TAB2: variants seen among roughly 807,000 people sequenced by gnomAD.
The protein encoded by TAB2 is TGF-beta-activated kinase 1 and MAP3K7-binding protein 2.
A neutral mutation model predicts 65.0 loss-of-function variants in TAB2; 3 were observed. The observed-to-expected ratio is 0.05, with a 90% CI of 0.02 to 0.12. TAB2 has a LOEUF of 0.12. Among genes scored for constraint, TAB2 ranks in the 10% least tolerant of loss-of-function variants. The probability of loss-of-function intolerance (pLI) is 1.00; values close to 1 mark genes in which losing one functional copy is unlikely to be tolerated. For missense variants in TAB2, 623 were observed against 840.3 expected (o/e 0.74, Z 3.20); for synonymous variants, 298 against 285.1 (o/e 1.05, Z -0.46).
At position 149,369,949 on chromosome 6, in the gene TAB2, G is replaced by A. The variant is rs771879657; in HGVS notation, c.-49G>A. ...AAGAGATGAGTACTATTTCCACTAA[G>A]GCCTAGAATTGCCTACTGTACAAAT... On this transcript the variant is annotated 5_prime_UTR_variant, in exon 2 of 7. Transcript: ENST00000637181. 7 of 1,493,602 alleles carry A rather than the reference G, an allele frequency of 4.7e-6. No individual in the cohort carries two copies. Among genetic ancestry groups the A allele is most frequent in the Non-Finnish European group, 5.6e-6 (6 of 1,070,458 alleles). The allele number at this position is 1,493,602 out of a possible 1,614,324, so 92.5% of individuals were successfully genotyped here. A position where few individuals can be genotyped will look rare whatever the true frequency, so the allele number is the denominator to read the frequency against.
intron 1 of TAB2, among the ~76,000 whole-genome samples, chr6:149,351,663 C>T (rs1033741244): frequency 9.2e-5 from 14 of 152,116 alleles, no homozygotes; most frequent in African/African-American, 3.4e-4. Flanking sequence ...GAAACTGAGG[C>T]ACAGAAAAAT....
chr6:149,365,867 A>G (rs1781023008), intron 1 of TAB2, among the ~76,000 whole-genome samples: 1 of 151,970 alleles, frequency 6.6e-6, no homozygotes, highest in East Asian at 1.9e-4. Context: ...CTTCAAGTTC[A>G]CTGACTGTCA....
chr6:149,353,452 T>A (rs1780555493), intron 1 of TAB2, among the ~76,000 whole-genome samples: 1 of 152,212 alleles, frequency 6.6e-6, no homozygotes. Flanking sequence ...GTTACCAGTT[T>A]CTTCCCCAAG....
At chr6:149,258,576 G>A (rs1778089460) in intron 1 of TAB2, among the ~76,000 whole-genome samples, 1 of 152,194 alleles carries the variant, frequency 6.6e-6, no homozygotes, top group South Asian at 2.1e-4. Context: ...CATTTGCTCA[G>A]AAGCATCCAT....
At chr6:149,364,773 GT>G (rs1481560243) in intron 1 of TAB2, among the ~76,000 whole-genome samples, 2 of 149,884 alleles carry the variant, frequency 1.3e-5, no homozygotes, top group South Asian at 2.1e-4. Context: ...GTTTCTGTTT[GT>G]TTTTTTAATC....
chr6:149,322,924 A>G lies in TAB2; in HGVS notation c.-90+4909A>G, dbSNP rs73611045. On this transcript the variant is annotated intron_variant, in intron 1 of 6. Transcript: ENST00000637181. ...ATGGGATTTTTGAGGGAAGAGTGGA[A>G]TAACCATGCAAGTTGCAATACTTAT... Among the ~76,000 whole-genome samples the G allele has an allele frequency of 5.0e-3, 764 of 152,282 alleles. 6 individuals are homozygous for G. Among genetic ancestry groups the G allele is most frequent in the African/African-American group, 0.018 (743 of 41,584 alleles).
chr6:149,242,437 ATT>A (rs762269469), intron 1 of TAB2, among the ~76,000 whole-genome samples: 4 of 152,144 alleles, frequency 2.6e-5, no homozygotes, highest in African/African-American at 7.2e-5. Context: ...TTTCCTGTGA[ATT>A]GTTAGTAGGT....
At chr6:149,347,255 C>A (rs1279867248) in intron 1 of TAB2, 1 of 152,196 alleles carries the variant, frequency 6.6e-6, no homozygotes, top group Non-Finnish European at 1.5e-5. Flanking sequence ...GAACTTATAA[C>A]TGGTAAGCCT....
chr6:149,320,798 C>A (rs1779429286), intron 1 of TAB2, among the ~76,000 whole-genome samples: 1 of 152,030 alleles, frequency 6.6e-6, no homozygotes, highest in Admixed American at 6.6e-5. Flanking sequence ...ATATAAAGTT[C>A]ATAAATTAAA....
intron 1 of TAB2, among the ~76,000 whole-genome samples, chr6:149,338,752 G>A (rs890420725): frequency 1.3e-5 from 2 of 152,132 alleles, no homozygotes; most frequent in African/African-American, 4.8e-5. Flanking sequence ...AGAAATTATC[G>A]ATTGGAAAGG....
At chr6:149,320,051 A>G (rs866700992) in intron 1 of TAB2, among the ~76,000 whole-genome samples, 5 of 152,150 alleles carry the variant, frequency 3.3e-5, no homozygotes, top group African/African-American at 9.7e-5. Flanking sequence ...AGACTGGGAA[A>G]CAATTTTTTT....
At chr6:149,375,601 T>C (rs1004595277) in intron 2 of TAB2, among the ~76,000 whole-genome samples, 2 of 152,056 alleles carry the variant, frequency 1.3e-5, no homozygotes, top group Non-Finnish European at 2.9e-5. Context: ...AAATTTTAAA[T>C]TGAGAATGAT....
intron 1 of TAB2, among the ~76,000 whole-genome samples, chr6:149,263,351 C>T (rs912814685): frequency 6.6e-6 from 1 of 152,124 alleles, no homozygotes; most frequent in African/African-American, 2.4e-5. Context: ...TATATCGAAA[C>T]AATTTTTTTT....
chr6:149,393,975 T>C (rs913055347), intron 3 of TAB2, among the ~76,000 whole-genome samples: 4 of 152,180 alleles, frequency 2.6e-5, no homozygotes, highest in African/African-American at 9.7e-5. Flanking sequence ...ATGGGCTTCT[T>C]AGATCTGTGA....
At position 149,368,308 on chromosome 6, in the gene TAB2, G is replaced by A. The variant is rs1228819455; in HGVS notation, c.-89-1601G>A. On this transcript the variant is annotated intron_variant, in intron 1 of 6. Transcript: ENST00000637181. ...GTTGAGGACTGAGAACTCACCATTGGGTTTCATAAACTAAAAGTGTATAGT... is the reference window on the plus strand; with the variant it reads ...GTTGAGGACTGAGAACTCACCATTGAGTTTCATAAACTAAAAGTGTATAGT... 2.0e-5 allele frequency among the ~76,000 whole-genome samples: 3 copies of A among 152,174 alleles called. No homozygotes were observed. In the East Asian group the frequency reaches 5.8e-4, roughly 29 times the overall value.
In TAB2 at chr6:149,403,321, C is replaced by CACATAT. The variant is rs1562456548; in HGVS notation, c.1939+4138_1939+4139insCATATA. On this transcript the variant is annotated intron_variant, in intron 6 of 6. Coordinates refer to ENST00000637181, the MANE Select transcript of TAB2 (RefSeq NM_001292034.3). ...ATATATATATATATATATACACACA[C>CACATAT]ATATATATACATATATATACACACA... Among the ~76,000 whole-genome samples, 203 of 65,642 alleles carry CACATAT rather than the reference C, an allele frequency of 3.1e-3. 4 individuals are homozygous for CACATAT. The highest frequency in any genetic ancestry group is 0.011 in the African/African-American group (186 of 17,168). The allele number at this position is 65,642 out of a possible 152,430, so 43.1% of individuals were successfully genotyped here.
intron 1 of TAB2, among the ~76,000 whole-genome samples, chr6:149,274,351 C>T (rs1490165893): frequency 3.9e-5 from 6 of 152,222 alleles, no homozygotes; most frequent in Admixed American, 3.3e-4. Flanking sequence ...AAATGTTTCT[C>T]TTGTTCCATA....
intron 1 of TAB2, among the ~76,000 whole-genome samples, chr6:149,238,722 C>T (rs924404599): frequency 6.6e-6 from 1 of 152,222 alleles, no homozygotes; most frequent in Non-Finnish European, 1.5e-5. Flanking sequence ...GCCTGCACAT[C>T]CCGGAAGCTG....
chr6:149,272,807 C>T (rs1437271530), intron 1 of TAB2, among the ~76,000 whole-genome samples: 3 of 152,326 alleles, frequency 2.0e-5, no homozygotes, highest in East Asian at 1.9e-4. Flanking sequence ...AAGTTGGTCA[C>T]GCTATTGCCA....
Sources: gnomAD v4.1 joint callset for allele counts (sites outside exome capture counted in the v4.1 genomes callset) on GRCh38, gnomAD v4.1.1 for gene constraint, MANE v1.5 for transcripts, NCBI Gene and HGNC (gene_info 2026-07-23, HGNC 2026-07-21) for gene names.